Variants in PRKN observed in about 807,000 individuals in gnomAD.
PRKN encodes the protein parkin RBR E3 ubiquitin protein ligase.
PRKN carries 56 observed loss-of-function variants against 59.5 expected under a neutral mutation model. The ratio of observed to expected loss-of-function variants is 0.94; its 90% confidence interval spans 0.76 to 1.18. The LOEUF (loss-of-function observed/expected upper bound fraction) is 1.18, where lower values mean the gene tolerates loss of function less well. PRKN is among the 50% of genes most tolerant of loss of function. The pLI is 0.00. For missense variants in PRKN, 657 were observed against 596.4 expected (o/e 1.10, Z -1.06); for synonymous variants, 250 against 222.1 (o/e 1.13, Z -1.12).
Position 161,503,236 on chromosome 6 carries a change from G to C in PRKN, c.1083+45618C>G, listed in dbSNP as rs543556346. ...TGACTAAAAGGAGGGTAGAACGGGAGGGGGCTGCTGCTGTACCGTAGAGTC... is the reference window on the plus strand; with the variant it reads ...TGACTAAAAGGAGGGTAGAACGGGACGGGGCTGCTGCTGTACCGTAGAGTC... On this transcript the variant is annotated intron_variant, in intron 9 of 11. Coordinates refer to ENST00000366898, the MANE Select transcript of PRKN (RefSeq NM_004562.3). The surrounding 1 kb of genome is among the most constrained non-coding windows in gnomAD (Gnocchi z 5.1). Among the ~76,000 whole-genome samples, 201 of 152,180 alleles carry C rather than the reference G, an allele frequency of 1.3e-3. 1 individual carries two copies. The highest frequency in any genetic ancestry group is 2.3e-3 in the Non-Finnish European group (159 of 68,002).
chr6:161,623,109 G>T (rs1782966128), intron 7 of PRKN, among the ~76,000 whole-genome samples: 1 of 152,186 alleles, frequency 6.6e-6, no homozygotes, highest in South Asian at 2.1e-4. Flanking sequence ...GTATAAAATT[G>T]TAAAAATACA....
At chr6:161,867,868 C>T (rs955096453) in intron 6 of PRKN, among the ~76,000 whole-genome samples, 1 of 151,908 alleles carries the variant, frequency 6.6e-6, no homozygotes, top group Non-Finnish European at 1.5e-5. Context: ...TCAAGCGATT[C>T]TCCTGCCTCA....
intron 1 of PRKN, chr6:162,727,325 C>CGGCGGCGGGGCGAAGGTGAGGGGG (rs1260656754): frequency 2.6e-6 from 1 of 378,212 alleles, no homozygotes; most frequent in Admixed American, 4.9e-5. Context: ...AGGTGAGGGG[C>CGGCGGCGGGGCGAAGGTGAGGGGG]GGCGGCGGGG....
chr6:162,432,426 T>C (rs1052159688), intron 2 of PRKN, among the ~76,000 whole-genome samples: 3 of 152,070 alleles, frequency 2.0e-5, no homozygotes, highest in Non-Finnish European at 2.9e-5. Context: ...CTAGCAGGGC[T>C]GAGGCAGGAG....
rs1245614209 is a variant in PRKN, at chr6:162,465,802, T to C, written c.8-22329A>G. On this transcript the variant is annotated intron_variant, in intron 1 of 11. Coordinates refer to ENST00000366898, the MANE Select transcript of PRKN (RefSeq NM_004562.3). ...GGCTAAATTCTTTGATAGGTTTCAG[T>C]TGCCCCTGTAAATGTTCTAAAATTA... Among the ~76,000 whole-genome samples, 4 of 152,214 alleles carry C rather than the reference T, an allele frequency of 2.6e-5. No individual in the cohort carries two copies. The East Asian group carries it at 7.7e-4, about 29-fold the overall frequency.
Position 161,932,239 on chromosome 6 carries a change from TAC to T in PRKN, c.734+41061_734+41062del, listed in dbSNP as rs565487712. Among the ~76,000 whole-genome samples the T allele has an allele frequency of 2.4e-3, 360 of 152,250 alleles. 1 individual carries two copies. The highest frequency in any genetic ancestry group is 8.0e-3 in the African/African-American group (332 of 41,564). ...TATCGTGTTAATTAAAAAGCAAACA[TAC>T]ATATTGTTTTATGTTGGGTTATGTT... On this transcript the variant is annotated intron_variant, in intron 6 of 11. Coordinates refer to ENST00000366898, the MANE Select transcript of PRKN (RefSeq NM_004562.3).
At chr6:162,316,086 G>C (rs562657225) in intron 2 of PRKN, among the ~76,000 whole-genome samples, 1 of 152,044 alleles carries the variant, frequency 6.6e-6, no homozygotes, top group Non-Finnish European at 1.5e-5. Context: ...CCTGGTGATA[G>C]AAGTATTCCA....
intron 6 of PRKN, among the ~76,000 whole-genome samples, chr6:161,917,585 T>G (rs2128238309): frequency 6.6e-6 from 1 of 152,274 alleles, no homozygotes; most frequent in South Asian, 2.1e-4. Context: ...CCAGGAGAAT[T>G]ATATGGCCAA....
intron 2 of PRKN, among the ~76,000 whole-genome samples, chr6:162,413,941 GGAGGCT>G (rs1443141213): frequency 6.6e-6 from 1 of 152,126 alleles, no homozygotes; most frequent in Non-Finnish European, 1.5e-5. Flanking sequence ...CAGCACTTTG[GGAGGCT>G]GAGGCAGGTG....
In PRKN at chr6:162,375,907, C is replaced by G. The variant is rs540057131; in HGVS notation, c.171+67403G>C. ...CGGTTCTTGTCTGGGACATCAGCTA[C>G]TAGGTCTGAGTCCCCTGTCTGTGCC... is the stretch of plus-strand genomic sequence containing the variant. On this transcript the variant is annotated intron_variant, in intron 2 of 11. Coordinates refer to ENST00000366898, the MANE Select transcript of PRKN (RefSeq NM_004562.3). Among the ~76,000 whole-genome samples the G allele has an allele frequency of 2.0e-5, 3 of 152,180 alleles. No individual in the cohort carries two copies. The South Asian group carries it at 6.2e-4, about 32-fold the overall frequency.
At chr6:162,240,375 C>T (rs964243822) in intron 3 of PRKN, among the ~76,000 whole-genome samples, 8 of 152,082 alleles carry the variant, frequency 5.3e-5, no homozygotes, top group African/African-American at 1.9e-4. Context: ...CCCACGCATG[C>T]CCTATGTGTG....
Position 161,658,639 on chromosome 6 carries a change from G to A in PRKN, c.872-89223C>T, listed in dbSNP as rs997023430. Among the ~76,000 whole-genome samples the A allele has an allele frequency of 2.6e-5, 4 of 152,126 alleles. No homozygotes were observed. The East Asian group carries it at 7.7e-4, about 29-fold the overall frequency. On this transcript the variant is annotated intron_variant, in intron 7 of 11. Coordinates refer to ENST00000366898, the MANE Select transcript of PRKN (RefSeq NM_004562.3). ...AAATTTATCAGAGGTGGAGCTTGGG[G>A]ACATGCGAAATAATAGGGCTTTGAG...
intron 7 of PRKN, among the ~76,000 whole-genome samples, chr6:161,624,481 T>C (rs1253091188): frequency 1.3e-5 from 2 of 152,248 alleles, no homozygotes; most frequent in African/African-American, 4.8e-5. Context: ...TCTCAGCTCA[T>C]GCTCTTGGTC....
chr6:161,780,857 C>T (rs544700081), intron 7 of PRKN, among the ~76,000 whole-genome samples: 2 of 152,256 alleles, frequency 1.3e-5, no homozygotes, highest in East Asian at 1.9e-4. Context: ...CCAGTTTGTT[C>T]TTGACAAAAT....
rs1292831816 is a variant in PRKN at position 161,619,069 on chromosome 6, G to A, written c.872-49653C>T. ...GAGACAGAAAGTCCTGGCAGAGCCT[G>A]AAGTGGTTCTGAATCCGCCGGGTCT... On this transcript the variant is annotated intron_variant, in intron 7 of 11. Coordinates refer to ENST00000366898, the MANE Select transcript of PRKN (RefSeq NM_004562.3). Among the ~76,000 whole-genome samples the A allele has an allele frequency of 2.6e-5, 4 of 152,100 alleles. No homozygotes were observed. In the South Asian group the frequency reaches 8.3e-4, roughly 31 times the overall value.
chr6:161,792,861 G>A (rs931527185), intron 6 of PRKN, among the ~76,000 whole-genome samples: 4 of 152,164 alleles, frequency 2.6e-5, no homozygotes, highest in African/African-American at 9.7e-5. Context: ...TCTTCTTAAC[G>A]ACTGTCACTT....
intron 9 of PRKN, among the ~76,000 whole-genome samples, chr6:161,408,027 C>A (rs903000864): frequency 6.6e-6 from 1 of 152,186 alleles, no homozygotes; most frequent in African/African-American, 2.4e-5. Context: ...GAATAAACAG[C>A]TTTATTGCTC....
intron 9 of PRKN, among the ~76,000 whole-genome samples, chr6:161,418,603 A>C (rs867905397): frequency 6.6e-6 from 1 of 152,186 alleles, no homozygotes; most frequent in South Asian, 2.1e-4. Context: ...ATTTAGCACA[A>C]ACCATACCCG....
At chr6:162,540,581 G>C (rs923213440) in intron 1 of PRKN, among the ~76,000 whole-genome samples, 1 of 151,950 alleles carries the variant, frequency 6.6e-6, no homozygotes, top group Non-Finnish European at 1.5e-5. Context: ...GCTGAGGCAG[G>C]TGATCACCTG....
Sources: gnomAD v4.1 joint callset for allele counts (sites outside exome capture counted in the v4.1 genomes callset) on GRCh38, gnomAD v4.1.1 for gene constraint, Gnocchi (gnomAD v3.1) non-coding constraint, MANE v1.5 for transcripts, NCBI Gene and HGNC (gene_info 2026-07-23, HGNC 2026-07-21) for gene names.